HDX: variants seen among roughly 807,000 people sequenced by gnomAD.
The protein encoded by HDX is highly divergent homeobox.
In HDX, 19 loss-of-function variants were observed where a neutral mutation model predicts 45.2. That is an observed-to-expected ratio of 0.42 (90% CI 0.29 to 0.62). The LOEUF (loss-of-function observed/expected upper bound fraction) is 0.62, where lower values mean the gene tolerates loss of function less well. Ranked by LOEUF, HDX falls within the 20% of genes least tolerant of loss-of-function variation. HDX has a pLI of 0.20. For missense variants in HDX, 532 were observed against 493.9 expected (o/e 1.08, Z -0.73); for synonymous variants, 188 against 172.8 (o/e 1.09, Z -0.69).
intron 1 of HDX, among the ~76,000 whole-genome samples, chrX:84,489,596 A>T (rs1351187819): frequency 9.0e-6 from 1 of 111,556 alleles, no homozygotes; most frequent in Non-Finnish European, 1.9e-5. Flanking sequence ...TGATTTTACA[A>T]AGAAAGAGTT....
At chrX:84,440,840 T>C (rs1466659005) in intron 4 of HDX, among the ~76,000 whole-genome samples, 1 of 110,882 alleles carries the variant, frequency 9.0e-6, no homozygotes, top group African/African-American at 3.3e-5. Context: ...GGCCCTACGA[T>C]TGTTGGGACT....
At chrX:84,427,486 C>T (rs955787458) in intron 5 of HDX, among the ~76,000 whole-genome samples, 1 of 110,920 alleles carries the variant, frequency 9.0e-6, no homozygotes, top group Non-Finnish European at 1.9e-5. Flanking sequence ...TTCTGTCTCA[C>T]CAGTCAATGA....
intron 5 of HDX, among the ~76,000 whole-genome samples, chrX:84,429,804 G>A: frequency 9.1e-6 from 1 of 110,016 alleles, no homozygotes; most frequent in Admixed American, 9.7e-5. Flanking sequence ...TTAAGTACAT[G>A]GTTTTTATAC....
intron 5 of HDX, among the ~76,000 whole-genome samples, chrX:84,368,579 T>C (rs1053700828): frequency 8.9e-6 from 1 of 112,316 alleles, no homozygotes; most frequent in South Asian, 3.7e-4. Context: ...ATTTTTCAAA[T>C]TGTGGTAAAA....
At chrX:84,415,839 T>G (rs2039090257) in intron 5 of HDX, among the ~76,000 whole-genome samples, 1 of 112,001 alleles carries the variant, frequency 8.9e-6, no homozygotes, top group Non-Finnish European at 1.9e-5. Flanking sequence ...TAACTTAATG[T>G]GCGGAATGTA....
At chrX:84,463,322 T>TA (rs1002021354) in intron 4 of HDX, among the ~76,000 whole-genome samples, 4 of 111,446 alleles carry the variant, frequency 3.6e-5, no homozygotes, top group Non-Finnish European at 7.6e-5. Flanking sequence ...TTTCCTCAGG[T>TA]AAAATAACAT....
intron 5 of HDX, among the ~76,000 whole-genome samples, chrX:84,420,739 C>A (rs148364124): frequency 0.11 from 12,644 of 110,246 alleles, 627 homozygotes; most frequent in South Asian, 0.28. Context: ...ACTCTAAGAG[C>A]GGCAAGAGAA....
rs758435834 is a variant in HDX, at chrX:84,469,601, G to GA, written c.148-27dup. Reference sequence around the variant, plus strand: ...CTGGAAGGATAAAACATGGTATTATGAAAAAAAAATTAAAAACAAACGAAG... The same window carrying GA: ...CTGGAAGGATAAAACATGGTATTATGAAAAAAAAAATTAAAAACAAACGAAG... On this transcript the variant is annotated intron_variant, in intron 3 of 10. Transcript: ENST00000373177. 304 of 1,082,811 alleles carry GA rather than the reference G, an allele frequency of 2.8e-4. 2 individuals are homozygous for GA. Among genetic ancestry groups the GA allele is most frequent in the South Asian group, 2.7e-3 (103 of 38,052 alleles). The allele number at this position is 1,082,811 out of a possible 1,213,427, so 89.2% of individuals were successfully genotyped here.
intron 5 of HDX, among the ~76,000 whole-genome samples, chrX:84,403,414 T>C (rs966159392): frequency 1.1e-4 from 12 of 111,668 alleles, no homozygotes; most frequent in African/African-American, 3.9e-4. Flanking sequence ...GGAGCTATCT[T>C]ATCACAAAAA....
intron 3 of HDX, among the ~76,000 whole-genome samples, chrX:84,471,437 TTA>T (rs890622223): frequency 1.2e-3 from 131 of 105,771 alleles, no homozygotes; most frequent in African/African-American, 3.4e-3. Flanking sequence ...ATTTTATATA[TTA>T]TATATATATA....
chrX:84,458,339 G>T (rs1345855838), intron 4 of HDX, among the ~76,000 whole-genome samples: 1 of 111,421 alleles, frequency 9.0e-6, no homozygotes, highest in African/African-American at 3.3e-5. Context: ...AACTGAATCT[G>T]TGCTCAAGAT....
At chrX:84,409,085 A>T (rs1332460700) in intron 5 of HDX, among the ~76,000 whole-genome samples, 1 of 111,184 alleles carries the variant, frequency 9.0e-6, no homozygotes, top group Non-Finnish European at 1.9e-5. Context: ...CACTTCTCAA[A>T]AGAAGACATT....
chrX:84,417,084 G>T (rs2039121128), intron 5 of HDX, among the ~76,000 whole-genome samples: 1 of 109,001 alleles, frequency 9.2e-6, no homozygotes, highest in Non-Finnish European at 1.9e-5. Context: ...AACCTGAGAG[G>T]CAGAATTTGC....
At chrX:84,346,895 T>C (rs1341117284) in intron 6 of HDX, among the ~76,000 whole-genome samples, 1 of 111,018 alleles carries the variant, frequency 9.0e-6, no homozygotes, top group Non-Finnish European at 1.9e-5. Context: ...TGGGTTTTGA[T>C]TGGAATTGAA....
intron 5 of HDX, among the ~76,000 whole-genome samples, chrX:84,382,984 GT>G (rs1188228662): frequency 9.0e-6 from 1 of 110,780 alleles, no homozygotes; most frequent in Non-Finnish European, 1.9e-5. Flanking sequence ...TACCTACTAT[GT>G]ACCCTCAAAA....
intron 5 of HDX, among the ~76,000 whole-genome samples, chrX:84,432,749 T>C (rs2039533353): frequency 9.0e-6 from 1 of 111,479 alleles, no homozygotes; most frequent in African/African-American, 3.3e-5. Context: ...TCTTTAGGTA[T>C]AGAACCATAT....
chrX:84,349,443 G>A (rs1380185145), intron 6 of HDX, among the ~76,000 whole-genome samples: 12 of 92,335 alleles, frequency 1.3e-4, no homozygotes, highest in Non-Finnish European at 8.5e-5. Flanking sequence ...GTGTGTGTGT[G>A]TGTGTGTATG....
intron 2 of HDX, among the ~76,000 whole-genome samples, chrX:84,476,202 G>C (rs182919373): frequency 1.8e-5 from 2 of 110,993 alleles, no homozygotes; most frequent in Non-Finnish European, 3.8e-5. Context: ...TAAAAGTCAG[G>C]TCAAACTCTT....
chrX:84,404,419 A>G (rs185237647), intron 5 of HDX, among the ~76,000 whole-genome samples: 1 of 111,664 alleles, frequency 9.0e-6, no homozygotes, highest in Admixed American at 9.6e-5. Context: ...GCAGGTTTTG[A>G]AAAATCACTA....
Sources: gnomAD v4.1 joint callset for allele counts (sites outside exome capture counted in the v4.1 genomes callset) on GRCh38, gnomAD v4.1.1 for gene constraint, MANE v1.5 for transcripts, NCBI Gene and HGNC (gene_info 2026-07-23, HGNC 2026-07-21) for gene names.